The following ZNF804A variants were observed in gnomAD, a reference collection of about 807,000 sequenced individuals.
The protein encoded by ZNF804A is zinc finger protein 804A.
Under a neutral mutation model 16.5 loss-of-function variants are expected in ZNF804A, and 2 were observed. That is an observed-to-expected ratio of 0.12 (90% confidence interval 0.05 to 0.38). The LOEUF is 0.38. Ranked by LOEUF, ZNF804A falls within the 10% of genes least tolerant of loss-of-function variation. The probability of loss-of-function intolerance (pLI) is 0.99; values close to 1 mark genes in which losing one functional copy is unlikely to be tolerated. For missense variants in ZNF804A, 1,473 were observed against 1,390.7 expected, an observed-to-expected ratio of 1.06 and a Z score of -0.94; for synonymous variants, 534 against 489.6, an observed-to-expected ratio of 1.09 and a Z score of -1.20.
chr2:184,836,352 G>A (rs1382974567), intron 1 of ZNF804A, among the ~76,000 whole-genome samples: 1 of 152,024 alleles, frequency 6.6e-6, no homozygotes, highest in East Asian at 1.9e-4. Flanking sequence ...ACAAACCTAG[G>A]GGAGTTGTTT....
chr2:184,854,104 T>G (rs1695649920), intron 1 of ZNF804A, among the ~76,000 whole-genome samples: 1 of 151,916 alleles, frequency 6.6e-6, no homozygotes, highest in Non-Finnish European at 1.5e-5. Context: ...ATCTTCCTAC[T>G]CATTATTGGC....
In ZNF804A at chr2:184,821,473, C is replaced by A. The variant is rs77776768; in HGVS notation, c.112-44896C>A. On this transcript the variant is annotated intron_variant, in intron 1 of 3. Transcript: ENST00000302277. Reference sequence around the variant, plus strand: ...AACCATAAAAACCCTAGAACAAAATCTACGCAATGCCATTCAGGATGTAGG... The same window carrying A: ...AACCATAAAAACCCTAGAACAAAATATACGCAATGCCATTCAGGATGTAGG... Among the ~76,000 whole-genome samples the A allele has an allele frequency of 9.1e-3, 1,382 of 152,172 alleles. 23 individuals carry two copies. Among genetic ancestry groups the A allele is most frequent in the African/African-American group, 0.032 (1,321 of 41,524 alleles).
intron 1 of ZNF804A, among the ~76,000 whole-genome samples, chr2:184,613,259 T>C (rs1436198347): frequency 6.6e-6 from 1 of 151,668 alleles, no homozygotes; most frequent in Non-Finnish European, 1.5e-5. Context: ...TCATATTCTC[T>C]CTCTTTCTCG....
chr2:184,686,277 C>T (rs981043603), intron 1 of ZNF804A, among the ~76,000 whole-genome samples: 4 of 152,190 alleles, frequency 2.6e-5, no homozygotes, highest in African/African-American at 7.2e-5. Flanking sequence ...GGGGCTTCCA[C>T]CTTTTCCAGC....
At chr2:184,660,120 A>G (rs1289737687) in intron 1 of ZNF804A, among the ~76,000 whole-genome samples, 2 of 152,202 alleles carry the variant, frequency 1.3e-5, no homozygotes, top group Non-Finnish European at 2.9e-5. Flanking sequence ...CAAACCATCA[A>G]AAAAGAGTAG....
In ZNF804A at chr2:184,936,247, T is replaced by C. The variant is rs1156630193; in HGVS notation, c.851T>C (p.Met284Thr). ...AACTCTTTTCATCCACCAGAGGCAA[T>C]GTGCAGAGACAAAGAAACTGTTCAA... ...KTNSFHPPEAMCRDKETVQTQ... is the reference protein window; with the variant it reads ...KTNSFHPPEATCRDKETVQTQ... The change falls in exon 4 of 4, where the codon ATG becomes ACG. Residue 284 changes from methionine to threonine, a missense_variant. By Grantham distance (81) the Met-to-Thr change is moderately conservative (BLOSUM62 -1). Transcript: ENST00000302277. 3 of 1,614,026 alleles carry C rather than the reference T, an allele frequency of 1.9e-6. No homozygotes were observed. The highest frequency in any genetic ancestry group is 8.5e-7 in the Non-Finnish European group (1 of 1,179,964).
At chr2:184,721,784 T>C (rs1388814449) in intron 1 of ZNF804A, among the ~76,000 whole-genome samples, 1 of 152,166 alleles carries the variant, frequency 6.6e-6, no homozygotes, top group African/African-American at 2.4e-5. Flanking sequence ...AACATGCCTT[T>C]ATTCCCATGT....
intron 1 of ZNF804A, among the ~76,000 whole-genome samples, chr2:184,807,962 T>A (rs902658974): frequency 1.3e-5 from 2 of 151,684 alleles, no homozygotes; most frequent in African/African-American, 4.8e-5. Flanking sequence ...TGAACCGTAA[T>A]CATACTATAG....
chr2:184,815,620 A>C lies in ZNF804A; in HGVS notation c.112-50749A>C, dbSNP rs73043267. Among the ~76,000 whole-genome samples the C allele has an allele frequency of 4.8e-3, 727 of 152,110 alleles. 2 individuals carry two copies. The highest frequency in any genetic ancestry group is 0.016 in the African/African-American group (655 of 41,562). On this transcript the variant is annotated intron_variant, in intron 1 of 3. Transcript: ENST00000302277. Reference sequence around the variant, plus strand: ...GTATATGCTAGTCTTATTATTTAATATCTATAAAGCAGTTTTAATTTAATT... The same window carrying C: ...GTATATGCTAGTCTTATTATTTAATCTCTATAAAGCAGTTTTAATTTAATT...
At chr2:184,668,951 C>T (rs1692297459) in intron 1 of ZNF804A, among the ~76,000 whole-genome samples, 1 of 150,144 alleles carries the variant, frequency 6.7e-6, no homozygotes. Flanking sequence ...CTAAGTGACA[C>T]CATTTTTGTA....
chr2:184,902,102 C>A (rs1457848825), intron 2 of ZNF804A: 1 of 152,340 alleles, frequency 6.6e-6, no homozygotes, highest in African/African-American at 2.4e-5. Context: ...ATTAGCTAGA[C>A]TCAGTTTAGC....
At chr2:184,609,180 G>A (rs1014872062) in intron 1 of ZNF804A, among the ~76,000 whole-genome samples, 1 of 152,166 alleles carries the variant, frequency 6.6e-6, no homozygotes, top group Non-Finnish European at 1.5e-5. Flanking sequence ...AATGTCACTG[G>A]AGATACAGGG....
At chr2:184,876,395 G>A (rs1463026084) in intron 2 of ZNF804A, among the ~76,000 whole-genome samples, 1 of 150,298 alleles carries the variant, frequency 6.7e-6, no homozygotes, top group Non-Finnish European at 1.5e-5. Flanking sequence ...ATTTTTTGGT[G>A]TGTATGTCGT....
intron 1 of ZNF804A, among the ~76,000 whole-genome samples, chr2:184,765,679 A>G (rs1332617621): frequency 1.3e-5 from 2 of 149,144 alleles, no homozygotes; most frequent in Non-Finnish European, 3.0e-5. Flanking sequence ...CTTTTGAGAC[A>G]GGAGTCTTGC....
At chr2:184,825,292 A>T (rs1223234592) in intron 1 of ZNF804A, among the ~76,000 whole-genome samples, 1 of 152,202 alleles carries the variant, frequency 6.6e-6, no homozygotes, top group Non-Finnish European at 1.5e-5. Flanking sequence ...AGAATAAACT[A>T]TTTAAAATGG....
intron 1 of ZNF804A, among the ~76,000 whole-genome samples, chr2:184,810,925 G>T (rs76593360): frequency 6.6e-6 from 1 of 152,136 alleles, no homozygotes; most frequent in Middle Eastern, 3.2e-3. Context: ...ATATGTATAA[G>T]AAATTTTCAT....
At chr2:184,834,060 A>G (rs1695305629) in intron 1 of ZNF804A, among the ~76,000 whole-genome samples, 1 of 152,106 alleles carries the variant, frequency 6.6e-6, no homozygotes, top group Non-Finnish European at 1.5e-5. Flanking sequence ...TGAATCAATT[A>G]ATGGTTGTGA....
intron 1 of ZNF804A, among the ~76,000 whole-genome samples, chr2:184,610,690 C>G (rs1328661783): frequency 1.3e-5 from 2 of 151,734 alleles, no homozygotes; most frequent in Non-Finnish European, 2.9e-5. Flanking sequence ...AATACCACTC[C>G]CTGGTGAAGA....
At chr2:184,892,292 CA>C (rs777354416) in intron 2 of ZNF804A, among the ~76,000 whole-genome samples, 4 of 152,078 alleles carry the variant, frequency 2.6e-5, no homozygotes, top group African/African-American at 4.8e-5. Context: ...AAACTTTGTT[CA>C]GTAATTTTAG....
Sources: allele counts gnomAD v4.1 joint callset (sites outside exome capture counted in the v4.1 genomes callset), GRCh38; gene constraint gnomAD v4.1.1; transcripts MANE v1.5; gene names NCBI Gene and HGNC (gene_info 2026-07-23, HGNC 2026-07-21).